The following NR3C2 variants were observed in gnomAD, a reference collection of about 807,000 sequenced individuals.
The protein encoded by NR3C2 is mineralocorticoid receptor.
In NR3C2, 15 loss-of-function variants were observed where a neutral mutation model predicts 86.4. The observed-to-expected ratio is 0.17, with a 90% CI of 0.12 to 0.27. The LOEUF is 0.27. Among genes scored for constraint, NR3C2 ranks in the 10% least tolerant of loss-of-function variants. The probability of loss-of-function intolerance (pLI) is 1.00; values close to 1 mark genes in which losing one functional copy is unlikely to be tolerated. For synonymous variants in NR3C2, 458 were observed against 450.5 expected (o/e 1.02, Z -0.21); for missense variants, 960 against 1,195.6 (o/e 0.80, Z 2.91).
At chr4:148,250,852 C>A (rs992471989) in intron 3 of NR3C2, among the ~76,000 whole-genome samples, 1 of 152,170 alleles carries the variant, frequency 6.6e-6, no homozygotes, top group African/African-American at 2.4e-5. Context: ...CAGAACTGAT[C>A]CACCATCCAG....
chr4:148,168,816 G>A (rs1734993911), intron 4 of NR3C2, among the ~76,000 whole-genome samples: 1 of 152,140 alleles, frequency 6.6e-6, no homozygotes, highest in African/African-American at 2.4e-5. Context: ...ATGACTCTTG[G>A]TGGCCAGCTC....
chr4:148,334,238 A>G (rs1198573209), intron 2 of NR3C2, among the ~76,000 whole-genome samples: 1 of 152,226 alleles, frequency 6.6e-6, no homozygotes, highest in Non-Finnish European at 1.5e-5. Flanking sequence ...GCATCTTTCA[A>G]GGCTATAGAA....
intron 3 of NR3C2, among the ~76,000 whole-genome samples, chr4:148,241,484 G>A (rs1739043992): frequency 6.6e-6 from 1 of 151,542 alleles, no homozygotes; most frequent in African/African-American, 2.4e-5. Context: ...TGGCATTCTA[G>A]CCTCCTTCCT....
chr4:148,250,674 A>C (rs1739531300), intron 3 of NR3C2, among the ~76,000 whole-genome samples: 1 of 152,210 alleles, frequency 6.6e-6, no homozygotes, highest in Non-Finnish European at 1.5e-5. Context: ...AAACTTTTTC[A>C]AAGTTTTGTC....
intron 2 of NR3C2, among the ~76,000 whole-genome samples, chr4:148,364,299 T>A (rs1395771374): frequency 6.6e-6 from 1 of 152,206 alleles, no homozygotes; most frequent in Admixed American, 6.5e-5. Context: ...TCTCCCATGC[T>A]TTGCCTGACT....
chr4:148,159,453 T>C (rs1734556235), intron 4 of NR3C2, among the ~76,000 whole-genome samples: 1 of 152,260 alleles, frequency 6.6e-6, no homozygotes, highest in Admixed American at 6.5e-5. Context: ...GCATTTCATG[T>C]TCCAAGCACA....
intron 2 of NR3C2, among the ~76,000 whole-genome samples, chr4:148,309,629 C>G (rs1278581921): frequency 2.6e-5 from 4 of 151,810 alleles, no homozygotes; most frequent in African/African-American, 9.7e-5. Context: ...CACAATTTTG[C>G]CCTTAAAAAA....
At chr4:148,355,577 A>C (rs1035057985) in intron 2 of NR3C2, among the ~76,000 whole-genome samples, 8 of 152,124 alleles carry the variant, frequency 5.3e-5, no homozygotes, top group Non-Finnish European at 1.2e-4. Flanking sequence ...GGCACCTGGG[A>C]ACAAAGCCAG....
intron 6 of NR3C2, among the ~76,000 whole-genome samples, chr4:148,147,558 T>C (rs1213396774): frequency 6.6e-6 from 1 of 152,246 alleles, no homozygotes; most frequent in Non-Finnish European, 1.5e-5. Flanking sequence ...AGACAGAGTC[T>C]GTGACTTCAG....
intron 2 of NR3C2, among the ~76,000 whole-genome samples, chr4:148,263,049 G>C (rs1163847047): frequency 2.6e-5 from 4 of 151,994 alleles, no homozygotes; most frequent in African/African-American, 9.7e-5. Context: ...TCCACTCCCT[G>C]ACAGCCCCTG....
intron 4 of NR3C2, among the ~76,000 whole-genome samples, chr4:148,177,364 A>C (rs1260568248): frequency 6.6e-6 from 1 of 152,200 alleles, no homozygotes; most frequent in African/African-American, 2.4e-5. Flanking sequence ...TACATTTACT[A>C]CTAAGACTGA....
intron 2 of NR3C2, among the ~76,000 whole-genome samples, chr4:148,328,789 G>T (rs548511226): frequency 2.0e-5 from 3 of 152,280 alleles, no homozygotes; most frequent in African/African-American, 7.2e-5. Flanking sequence ...CTGGCTTAAA[G>T]AATTTATTCA....
chr4:148,377,108 T>A (rs1360167336), intron 2 of NR3C2, among the ~76,000 whole-genome samples: 1 of 152,218 alleles, frequency 6.6e-6, no homozygotes, highest in South Asian at 2.1e-4. Context: ...CATTTTATTC[T>A]GGTAGGGAAG....
intron 2 of NR3C2, among the ~76,000 whole-genome samples, chr4:148,291,256 C>T (rs2149908535): frequency 6.6e-6 from 1 of 152,020 alleles, no homozygotes; most frequent in Non-Finnish European, 1.5e-5. Context: ...TTTCCCTAAC[C>T]ATTCCAAGAA....
At position 148,152,583 on chromosome 4, in the gene NR3C2, A is replaced by G; in HGVS notation, c.2396T>C (p.Ile799Thr). The change falls in exon 6 of 9, where the codon ATT (isoleucine) becomes ACT (threonine). Residue 799 changes from isoleucine to threonine, a missense_variant. Physicochemically the swap from Ile to Thr is moderately conservative, Grantham distance 89. This residue lies in a region of NR3C2 where 151 missense variants were observed against 296.3 expected (regional missense o/e 0.51). Transcript: ENST00000358102. ...GFKNLPLEDQITLIQYSWMCL... is the reference protein window; with the variant it reads ...GFKNLPLEDQTTLIQYSWMCL... ...CATCCAAGAATACTGGATTAGGGTA[A>G]TTTGGTCCTCAAGAGGCAAGTTTTT... The G allele has an allele frequency of 6.2e-7, 1 of 1,614,116 alleles. No homozygotes were observed.
At chr4:148,139,684 A>C (rs972413497) in intron 6 of NR3C2, among the ~76,000 whole-genome samples, 1 of 152,194 alleles carries the variant, frequency 6.6e-6, no homozygotes, top group South Asian at 2.1e-4. Flanking sequence ...CTGCAGCTCC[A>C]CTGATCCAAG....
intron 2 of NR3C2, among the ~76,000 whole-genome samples, chr4:148,344,007 A>G (rs1342058190): frequency 1.3e-5 from 2 of 152,162 alleles, no homozygotes; most frequent in South Asian, 2.1e-4. Flanking sequence ...GCTTTAAATT[A>G]ATTGCTAAAT....
intron 7 of NR3C2, among the ~76,000 whole-genome samples, chr4:148,117,757 A>G (rs1487295601): frequency 6.6e-6 from 1 of 152,120 alleles, no homozygotes; most frequent in Non-Finnish European, 1.5e-5. Flanking sequence ...GCTGGAAACA[A>G]CAGCTCTTCA....
At chr4:148,436,892 G>C in intron 1 of NR3C2, 30 bp from the exon 2 acceptor site, 1 of 1,536,908 alleles carries the variant, frequency 6.5e-7, no homozygotes, top group Non-Finnish European at 8.8e-7. Context: ...TAAAAAATTA[G>C]AGTCAGTTAT....
Sources: allele counts gnomAD v4.1 joint callset (sites outside exome capture counted in the v4.1 genomes callset), GRCh38; gene constraint gnomAD v4.1.1; regional missense constraint gnomAD v4.1.1; transcripts MANE v1.5; gene names NCBI Gene and HGNC (gene_info 2026-07-23, HGNC 2026-07-21).